Variants in SEMA3E observed in about 807,000 individuals in gnomAD.
SEMA3E encodes semaphorin 3E.
In SEMA3E, 49 loss-of-function variants were observed where a neutral mutation model predicts 93.6. The ratio of observed to expected loss-of-function variants is 0.52; its 90% CI spans 0.42 to 0.66. The LOEUF (loss-of-function observed/expected upper bound fraction) is 0.66, where lower values mean the gene tolerates loss of function less well. SEMA3E is among the 30% of genes least tolerant of loss of function. SEMA3E has a pLI of 0.00. For synonymous variants in SEMA3E, 363 were observed against 330.7 expected (o/e 1.10, Z -1.06); for missense variants, 906 against 964.8 (o/e 0.94, Z 0.81).
chr7:83,439,553 G>C (rs1310582409), intron 4 of SEMA3E, among the ~76,000 whole-genome samples: 1 of 152,118 alleles, frequency 6.6e-6, no homozygotes, highest in East Asian at 1.9e-4. Flanking sequence ...AGTTAAAGAA[G>C]AATTTTATTC....
At chr7:83,500,195 T>C (rs568733557) in intron 1 of SEMA3E, among the ~76,000 whole-genome samples, 52 of 152,282 alleles carry the variant, frequency 3.4e-4, no homozygotes, top group Non-Finnish European at 5.1e-4. Flanking sequence ...CCCAATACTT[T>C]GGGAGGCCAA....
chr7:83,376,409 A>G (rs1794823502), intron 16 of SEMA3E, among the ~76,000 whole-genome samples: 3 of 151,980 alleles, frequency 2.0e-5, no homozygotes, highest in Admixed American at 2.0e-4. Flanking sequence ...TGTGCACTCC[A>G]TTTTTCATTG....
At chr7:83,491,557 G>T (rs1790384660) in intron 1 of SEMA3E, among the ~76,000 whole-genome samples, 1 of 151,922 alleles carries the variant, frequency 6.6e-6, no homozygotes, top group African/African-American at 2.4e-5. Flanking sequence ...TTGAGATATT[G>T]AGTCTTTTGA....
In SEMA3E at chr7:83,571,093, G is replaced by A. The variant is rs188272170; in HGVS notation, c.115+77335C>T. Among the ~76,000 whole-genome samples the A allele has an allele frequency of 3.4e-4, 51 of 148,120 alleles. No individual in the cohort carries two copies. The East Asian group carries it at 7.7e-3, about 22-fold the overall frequency. On this transcript the variant is annotated intron_variant, in intron 1 of 16. Transcript: ENST00000643230. ...ATCCCACCAAAAAAAAAAAAGGAAAGAAAGAAAAGAAAAAATCCTGGTCAG... is the reference window on the plus strand; with the variant it reads ...ATCCCACCAAAAAAAAAAAAGGAAAAAAAGAAAAGAAAAAATCCTGGTCAG...
At chr7:83,479,465 G>A (rs182342984) in intron 2 of SEMA3E, among the ~76,000 whole-genome samples, 3 of 152,114 alleles carry the variant, frequency 2.0e-5, no homozygotes, top group African/African-American at 7.2e-5. Flanking sequence ...TATGTTTCTA[G>A]AACTTAGTTA....
Position 83,639,028 on chromosome 7 carries a change from G to A in SEMA3E, c.115+9400C>T, listed in dbSNP as rs1156743517. ...TGGGAGGCTGAGGCAGGAGAATGGC[G>A]TGAACCCGGGAGGCGGAGGTTGCAG... On this transcript the variant is annotated intron_variant, in intron 1 of 16. Coordinates refer to ENST00000643230, the MANE Select transcript of SEMA3E (RefSeq NM_012431.3). Among the ~76,000 whole-genome samples, 4 of 147,242 alleles carry A rather than the reference G, an allele frequency of 2.7e-5. No individual in the cohort carries two copies. The Admixed American group carries it at 2.7e-4, about 10-fold the overall frequency.
intron 4 of SEMA3E, among the ~76,000 whole-genome samples, chr7:83,440,126 GA>G (rs534577613): frequency 1.1e-4 from 16 of 152,076 alleles, no homozygotes; most frequent in Non-Finnish European, 2.2e-4. Context: ...ATATTTAATA[GA>G]AGTATCTAAG....
intron 16 of SEMA3E, among the ~76,000 whole-genome samples, chr7:83,377,552 A>C (rs1223546286): frequency 6.6e-6 from 1 of 151,972 alleles, no homozygotes; most frequent in Non-Finnish European, 1.5e-5. Flanking sequence ...TTGGCCCCCA[A>C]GTCTTTGGTT....
chr7:83,383,218 A>G (rs1787812638), intron 16 of SEMA3E, among the ~76,000 whole-genome samples: 1 of 55,656 alleles, frequency 1.8e-5, no homozygotes, highest in African/African-American at 4.2e-5. Flanking sequence ...TCTAGATTTG[A>G]TAAGAAAGTG....
chr7:83,550,510 CAT>C (rs1468204226), intron 1 of SEMA3E, among the ~76,000 whole-genome samples: 5 of 152,012 alleles, frequency 3.3e-5, no homozygotes, highest in African/African-American at 1.2e-4. Context: ...AAAATTGTGG[CAT>C]ATCTTTTTCA....
intron 1 of SEMA3E, among the ~76,000 whole-genome samples, chr7:83,631,261 A>C (rs1224462299): frequency 6.6e-6 from 1 of 152,122 alleles, no homozygotes; most frequent in Admixed American, 6.5e-5. Context: ...TTCATTTACT[A>C]TAAGTCTGTA....
At chr7:83,401,589 A>G (rs1648689274) in intron 10 of SEMA3E, among the ~76,000 whole-genome samples, 1 of 152,094 alleles carries the variant, frequency 6.6e-6, no homozygotes, top group Admixed American at 6.6e-5. Context: ...TGTAATTTCA[A>G]TCAATAGAGT....
chr7:83,634,812 T>C (rs549097750), intron 1 of SEMA3E, among the ~76,000 whole-genome samples: 12 of 152,214 alleles, frequency 7.9e-5, no homozygotes, highest in African/African-American at 2.6e-4. Flanking sequence ...CTTCTCCATC[T>C]ACTTTCTTCT....
chr7:83,646,329 G>A (rs1794079139), intron 1 of SEMA3E, among the ~76,000 whole-genome samples: 1 of 152,024 alleles, frequency 6.6e-6, no homozygotes, highest in South Asian at 2.1e-4. Context: ...TAAATGGGCT[G>A]TTCATATTGT....
chr7:83,459,232 G>A (rs1171099601), intron 4 of SEMA3E, among the ~76,000 whole-genome samples: 1 of 151,830 alleles, frequency 6.6e-6, no homozygotes, highest in East Asian at 1.9e-4. Context: ...AACATCAATA[G>A]GAATAAAGCT....
intron 4 of SEMA3E, among the ~76,000 whole-genome samples, chr7:83,445,465 C>T (rs567906557): frequency 1.2e-3 from 189 of 152,282 alleles, no homozygotes; most frequent in African/African-American, 4.3e-3. Flanking sequence ...CGCCTGTAAT[C>T]CCAGCACTCT....
intron 4 of SEMA3E, among the ~76,000 whole-genome samples, chr7:83,434,915 GT>G (rs1220961254): frequency 6.6e-6 from 1 of 151,120 alleles, no homozygotes; most frequent in African/African-American, 2.4e-5. Flanking sequence ...GGGTTTCACC[GT>G]TTTAGCCGGG....
At chr7:83,628,543 C>G (rs1793721866) in intron 1 of SEMA3E, among the ~76,000 whole-genome samples, 1 of 151,688 alleles carries the variant, frequency 6.6e-6, no homozygotes, top group Non-Finnish European at 1.5e-5. Flanking sequence ...AGTTGATCTT[C>G]AATCTCTGAT....
At chr7:83,422,334 G>A (rs1278585446) in intron 4 of SEMA3E, among the ~76,000 whole-genome samples, 2 of 152,174 alleles carry the variant, frequency 1.3e-5, no homozygotes, top group African/African-American at 4.8e-5. Flanking sequence ...AATGGCAGTA[G>A]AGAGATGTTT....
Sources: allele counts gnomAD v4.1 joint callset (sites outside exome capture counted in the v4.1 genomes callset), GRCh38; gene constraint gnomAD v4.1.1; transcripts MANE v1.5; gene names NCBI Gene and HGNC (gene_info 2026-07-23, HGNC 2026-07-21).